The following LAMA1 variants were observed in gnomAD, a reference collection of about 807,000 sequenced individuals.
The protein encoded by LAMA1 is laminin subunit alpha 1, also known as laminin subunit alpha-1.
Under a neutral mutation model 348.7 loss-of-function variants are expected in LAMA1, and 219 were observed. That is an observed-to-expected ratio of 0.63 (90% confidence interval 0.56 to 0.70). The LOEUF is 0.70. Among genes scored for constraint, LAMA1 ranks in the 30% least tolerant of loss-of-function variants. The probability of loss-of-function intolerance (pLI) is 0.00; values close to 1 mark genes in which losing one functional copy is unlikely to be tolerated. For missense variants in LAMA1, 3,744 were observed against 3,888.0 expected, an observed-to-expected ratio of 0.96 and a Z score of 0.99; for synonymous variants, 1,487 against 1,491.0, an observed-to-expected ratio of 1.00 and a Z score of 0.06.
intron 1 of LAMA1, among the ~76,000 whole-genome samples, chr18:7,089,323 G>A (rs1473415382): frequency 6.6e-6 from 1 of 151,664 alleles, no homozygotes; most frequent in Non-Finnish European, 1.5e-5. Flanking sequence ...ACATTGCAGT[G>A]AGCCAAGATC....
chr18:7,030,976 G>A (rs1193772218), intron 16 of LAMA1, among the ~76,000 whole-genome samples: 1 of 152,056 alleles, frequency 6.6e-6, no homozygotes, highest in Non-Finnish European at 1.5e-5. Context: ...GACTGAGTCT[G>A]CCCGTAAACC....
chr18:6,951,030 C>T (rs765222142), intron 57 of LAMA1, 59 bp from the exon 58 acceptor site: 362 of 1,484,654 alleles, frequency 2.4e-4, no homozygotes, highest in Non-Finnish European at 3.1e-4. Context: ...ATTTTTAAAA[C>T]CTCAAAAGAG....
Position 6,986,248 on chromosome 18 carries a change from C to T in LAMA1, c.5268G>A (p.Lys1756=), listed in dbSNP as rs2057734927. The part of the protein sequence containing the change: ...LKEAASHVLS[K]HNNELKAAEA... ...CAGCCGCCTTTAGTTCATTGTTGTG[C>T]TTTGAAAGGACGTGGCTTGCTGCTT... The change falls in exon 37 of 63, where the codon AAG becomes AAA. Residue 1756 remains lysine, a synonymous_variant. Coordinates refer to ENST00000389658, the MANE Select transcript of LAMA1 (RefSeq NM_005559.4). The T allele has an allele frequency of 2.5e-6, 4 of 1,614,168 alleles. No individual in the cohort carries two copies. Among genetic ancestry groups the T allele is most frequent in the South Asian group, 1.1e-5 (1 of 91,090 alleles).
In LAMA1 at chr18:6,977,980, C is replaced by A. The variant is rs1045417228; in HGVS notation, c.6191-99G>T. The A allele has an allele frequency of 1.4e-4, 196 of 1,365,956 alleles. 2 individuals carry two copies. The highest frequency in any genetic ancestry group is 1.2e-4 in the Non-Finnish European group (115 of 975,268). 84.6% of individuals were successfully genotyped at this position (1,365,956 alleles called of 1,614,324 possible). A position where few individuals can be genotyped will look rare whatever the true frequency, so the allele number is the denominator to read the frequency against. Reference sequence around the variant, plus strand: ...TAACAATGCACTTGGTAAAACAACACCCTAACAATCAAAGCCATGACATTG... The same window carrying A: ...TAACAATGCACTTGGTAAAACAACAACCTAACAATCAAAGCCATGACATTG... On this transcript the variant is annotated intron_variant, in intron 43 of 62. Coordinates refer to ENST00000389658, the MANE Select transcript of LAMA1 (RefSeq NM_005559.4).
At chr18:6,977,706 G>A (rs753764435) in intron 44 of LAMA1, 21 bp downstream of exon 44, 1 of 1,613,732 alleles carries the variant, frequency 6.2e-7, no homozygotes, top group Non-Finnish European at 8.5e-7. Context: ...AGTTACGAAA[G>A]CCACGGGGCC....
At chr18:7,057,830 TG>T (rs1568049915) in intron 3 of LAMA1, among the ~76,000 whole-genome samples, 1 of 151,450 alleles carries the variant, frequency 6.6e-6, no homozygotes, top group Non-Finnish European at 1.5e-5. Flanking sequence ...AGTCTCACTC[TG>T]TTGCCCAGGT....
intron 56 of LAMA1, 163 bp downstream of exon 56, chr18:6,956,473 T>A: frequency 8.2e-7 from 1 of 1,215,402 alleles, no homozygotes; most frequent in Non-Finnish European, 1.2e-6. Flanking sequence ...TGAGGCACCC[T>A]TTCCCTCCCT....
chr18:6,979,881 A>G (rs375630527), intron 42 of LAMA1, among the ~76,000 whole-genome samples: 44 of 152,330 alleles, frequency 2.9e-4, no homozygotes, highest in Non-Finnish European at 4.9e-4. Context: ...CCTGGGCGAC[A>G]GAGCGAGACT....
intron 1 of LAMA1, among the ~76,000 whole-genome samples, chr18:7,098,916 A>C (rs1424501716): frequency 8.0e-6 from 1 of 125,222 alleles, no homozygotes; most frequent in Non-Finnish European, 1.7e-5. Flanking sequence ...GGCCGCCCCT[A>C]CTGGGAAGTG....
At chr18:6,944,801 A>C (rs9303991) in intron 61 of LAMA1, among the ~76,000 whole-genome samples, 51,927 of 151,992 alleles carry the variant, frequency 0.34, 10,065 homozygotes, top group East Asian at 0.65. Flanking sequence ...CACCCCAAGC[A>C]GACTAAGACA....
chr18:6,942,374 T>C (rs560308767), intron 62 of LAMA1, 135 bp from the exon 63 acceptor site: 9 of 947,778 alleles, frequency 9.5e-6, no homozygotes, highest in Non-Finnish European at 1.4e-5. Context: ...TAGGAGAATA[T>C]CTTCCACATA....
rs75029135 is a variant in LAMA1 at position 7,072,041 on chromosome 18, C to T, written c.345+7934G>A. On this transcript the variant is annotated intron_variant, in intron 3 of 62. Transcript: ENST00000389658. ...GGATCAATTAGCGATTGTTACAGAG[C>T]GAAGAGATGATGTGTTTCTGCCTGT... is the stretch of plus-strand genomic sequence containing the variant. 3.5e-3 allele frequency among the ~76,000 whole-genome samples: 530 copies of T among 152,140 alleles called. 1 individual carries two copies. The highest frequency in any genetic ancestry group is 5.4e-3 in the Non-Finnish European group (366 of 68,012).
At chr18:7,024,860 C>T (rs1045565878) in intron 17 of LAMA1, among the ~76,000 whole-genome samples, 4 of 152,226 alleles carry the variant, frequency 2.6e-5, no homozygotes, top group African/African-American at 9.6e-5. Flanking sequence ...CTGGCACTGA[C>T]TTCCCACCTC....
chr18:6,955,787 C>G (rs910729447), intron 56 of LAMA1: 1 of 410,704 alleles, frequency 2.4e-6, no homozygotes, highest in Admixed American at 3.5e-5. Context: ...CCTAGGCCCC[C>G]GCCGTGACCC....
At chr18:6,970,389 G>A (rs138340115) in intron 48 of LAMA1, among the ~76,000 whole-genome samples, 5 of 152,130 alleles carry the variant, frequency 3.3e-5, no homozygotes, top group Non-Finnish European at 5.9e-5. Flanking sequence ...ATTTTCACAC[G>A]CATCATGTTG....
intron 50 of LAMA1, 84 bp downstream of exon 50, chr18:6,965,204 G>C (rs1200467898): frequency 6.5e-7 from 1 of 1,539,016 alleles, no homozygotes; most frequent in East Asian, 2.2e-5. Context: ...GGAAACTACT[G>C]TGGAAAAAAA....
chr18:7,099,936 G>A (rs967855435), intron 1 of LAMA1, among the ~76,000 whole-genome samples: 1 of 151,654 alleles, frequency 6.6e-6, no homozygotes, highest in Admixed American at 6.6e-5. Flanking sequence ...GTGAGCACCT[G>A]TAGTCCCAGC....
At chr18:7,034,292 T>TAA (rs1308630860) in intron 14 of LAMA1, among the ~76,000 whole-genome samples, 187 bp downstream of exon 14, 1 of 152,220 alleles carries the variant, frequency 6.6e-6, no homozygotes, top group African/African-American at 2.4e-5. Context: ...TTGATGTGGA[T>TAA]AACTGTTCTT....
At chr18:7,107,786 G>A (rs541922457) in intron 1 of LAMA1, among the ~76,000 whole-genome samples, 3,581 of 146,202 alleles carry the variant, frequency 0.024, 100 homozygotes, top group African/African-American at 0.071. Flanking sequence ...AGGCTGAGGC[G>A]GGCAGATCAC....
Sources: allele counts gnomAD v4.1 joint callset (sites outside exome capture counted in the v4.1 genomes callset), GRCh38; gene constraint gnomAD v4.1.1; transcripts MANE v1.5; gene names NCBI Gene and HGNC (gene_info 2026-07-23, HGNC 2026-07-21).